The following TSHZ3 variants were observed in gnomAD, a reference collection of about 807,000 sequenced individuals.
TSHZ3 encodes teashirt zinc finger homeobox 3.
In TSHZ3, 10 loss-of-function variants were observed where a neutral mutation model predicts 64.5. The ratio of observed to expected loss-of-function variants is 0.16; its 90% CI spans 0.10 to 0.26. The LOEUF is 0.26. TSHZ3 is among the 10% of genes least tolerant of loss of function. The pLI is 1.00. For synonymous variants in TSHZ3, 608 were observed against 593.1 expected (o/e 1.03, Z -0.36); for missense variants, 1,242 against 1,421.7 (o/e 0.87, Z 2.03).
intron 1 of TSHZ3, among the ~76,000 whole-genome samples, chr19:31,307,502 C>T (rs955073555): frequency 4.6e-5 from 7 of 151,566 alleles, no homozygotes; most frequent in East Asian, 3.9e-4. Context: ...GCACGCGGCA[C>T]GGGGCTGGTG....
At chr19:31,269,283 C>T (rs148971891) in intron 1 of TSHZ3, among the ~76,000 whole-genome samples, 10 of 152,314 alleles carry the variant, frequency 6.6e-5, no homozygotes, top group Non-Finnish European at 1.5e-4. Context: ...AAATGATACT[C>T]ATTAGAGCAA....
downstream of TSHZ3, among the ~76,000 whole-genome samples, chr19:31,270,955 A>G (rs958354318): frequency 6.6e-6 from 1 of 152,226 alleles, no homozygotes; most frequent in African/African-American, 2.4e-5. Flanking sequence ...ATCTGCTATC[A>G]TTAGAATTTA....
rs1039033987 is a variant in TSHZ3, at chr19:31,349,336, C to G, written c.-117G>C. 300 of 1,010,130 alleles carry G rather than the reference C, an allele frequency of 3.0e-4. 3 individuals are homozygous for G. The East Asian group carries it at 5.8e-3, about 20-fold the overall frequency. 62.6% of individuals were successfully genotyped at this position (1,010,130 alleles called of 1,614,324 possible). ...AGGCGGGCCTGCTCTCAGCCTCCCCCCCGGAGAGCGGCCGCCCGCAGGATG... is the reference window on the plus strand; with the variant it reads ...AGGCGGGCCTGCTCTCAGCCTCCCCGCCGGAGAGCGGCCGCCCGCAGGATG... On this transcript the variant is annotated 5_prime_UTR_variant, in exon 1 of 2. Coordinates refer to ENST00000240587, the MANE Select transcript of TSHZ3 (RefSeq NM_020856.4).
At chr19:31,206,102 TG>T (rs1975166532) in intron 4 of TSHZ3, among the ~76,000 whole-genome samples, 3 of 151,202 alleles carry the variant, frequency 2.0e-5, no homozygotes, top group African/African-American at 7.3e-5. Flanking sequence ...GATGGATGGA[TG>T]GATGGATGGA....
chr19:31,179,749 A>G (rs200374662), intron 5 of TSHZ3, among the ~76,000 whole-genome samples: 1 of 124,062 alleles, frequency 8.1e-6, no homozygotes, highest in Non-Finnish European at 1.8e-5. Context: ...GGTGGTGGTG[A>G]TGGTGGTGGT....
chr19:31,222,923 T>C (rs1036758696), intron 4 of TSHZ3, among the ~76,000 whole-genome samples: 4 of 152,146 alleles, frequency 2.6e-5, no homozygotes, highest in Non-Finnish European at 5.9e-5. Context: ...ATAATACCCA[T>C]GTGGGGTCAG....
chr19:31,292,423 A>G (rs1441273526), intron 1 of TSHZ3, among the ~76,000 whole-genome samples: 1 of 152,226 alleles, frequency 6.6e-6, no homozygotes, highest in African/African-American at 2.4e-5. Context: ...GCAGGCTGTG[A>G]AAATTTGGGA....
At position 31,276,879 on chromosome 19, in the gene TSHZ3, CAGTGTCCA is replaced by C; in HGVS notation, c.2906_2913del (p.Leu969TrpfsTer8). The stretch of plus-strand genomic sequence containing the variant: ...TCGTTACAAAAGAAGACGGGGTGGC[CAGTGTCCA>C]AGTTTTTGAGGAACTTTGTTCCACC... On this transcript the variant is annotated frameshift_variant, in exon 2 of 2. Coordinates refer to ENST00000240587, the MANE Select transcript of TSHZ3 (RefSeq NM_020856.4). LOFTEE classifies it high-confidence loss of function. 6.2e-7 allele frequency: 1 copy of C among 1,614,206 alleles called. No homozygotes were observed. The highest frequency in any genetic ancestry group is 8.5e-7 in the Non-Finnish European group (1 of 1,180,040).
In TSHZ3 at chr19:31,277,900, C is replaced by T. The variant is rs202193828; in HGVS notation, c.1893G>A (p.Pro631=). The T allele has an allele frequency of 1.1e-5, 18 of 1,613,378 alleles. No individual in the cohort carries two copies. The highest frequency in any genetic ancestry group is 1.1e-4 in the African/African-American group (8 of 74,916). The change falls in exon 2 of 2, where the codon CCG becomes CCA. Residue 631 remains proline, a synonymous_variant. Coordinates refer to ENST00000240587, the MANE Select transcript of TSHZ3 (RefSeq NM_020856.4). This position sits in a 1 kb window ranked among gnomAD's most constrained non-coding sequence, Gnocchi z 4.5. ...GCTTGGGCGGGGAAAGCTTCCCATC[C>T]GGCTCCTTCATCTTCTCCTCCACTT... ...VAKVEEKMKE[P]DGKLSPPKRA...
intron 5 of TSHZ3, among the ~76,000 whole-genome samples, chr19:31,182,466 T>A (rs568129109): frequency 2.0e-5 from 3 of 152,216 alleles, no homozygotes; most frequent in East Asian, 3.9e-4. Flanking sequence ...CATTTCTAGG[T>A]CACACCAAAA....
intron 1 of TSHZ3, among the ~76,000 whole-genome samples, chr19:31,252,713 G>A (rs1599605636): frequency 4.6e-5 from 7 of 152,258 alleles, no homozygotes; most frequent in Admixed American, 2.0e-4. Context: ...CCAGCCATGC[G>A]GAACTGAGTC....
At chr19:31,179,014 C>CTGATGATGATGA (rs760717001) in intron 5 of TSHZ3, among the ~76,000 whole-genome samples, 3,675 of 112,154 alleles carry the variant, frequency 0.033, 146 homozygotes, top group African/African-American at 0.12. Flanking sequence ...GCAGAAGGCA[C>CTGATGATGATGA]TGATGATGAT....
intron 1 of TSHZ3, among the ~76,000 whole-genome samples, chr19:31,343,402 CT>C (rs61095647): frequency 0.12 from 17,556 of 151,954 alleles, 1,093 homozygotes; most frequent in Middle Eastern, 0.3. Context: ...TGTTGAAATG[CT>C]AAAATAATTT....
chr19:31,178,779 A>G (rs1974653358), intron 5 of TSHZ3, among the ~76,000 whole-genome samples: 1 of 152,230 alleles, frequency 6.6e-6, no homozygotes, highest in Non-Finnish European at 1.5e-5. Flanking sequence ...GAGACATGTC[A>G]TCAGAAGGCT....
downstream of TSHZ3, among the ~76,000 whole-genome samples, chr19:31,271,284 G>A (rs949667418): frequency 3.3e-5 from 5 of 152,120 alleles, no homozygotes; most frequent in Non-Finnish European, 7.3e-5. Context: ...CCTGGGGGTC[G>A]CCTCCTGTCA....
intron 4 of TSHZ3, among the ~76,000 whole-genome samples, chr19:31,227,200 G>A (rs944926383): frequency 2.6e-5 from 4 of 151,466 alleles, no homozygotes; most frequent in African/African-American, 4.9e-5. Flanking sequence ...GGCTGGTCTC[G>A]AACCCCTGAC....
chr19:31,246,098 A>G (rs1472121084), intron 1 of TSHZ3, among the ~76,000 whole-genome samples: 1 of 152,246 alleles, frequency 6.6e-6, no homozygotes, highest in African/African-American at 2.4e-5. Flanking sequence ...TCGACATGTC[A>G]CAACATCAAA....
At chr19:31,242,413 T>G (rs888374524) in exon 3 of TSHZ3, among the ~76,000 whole-genome samples, 3 of 152,178 alleles carry the variant, frequency 2.0e-5, no homozygotes, top group East Asian at 3.9e-4. Flanking sequence ...GCCAAAGGCC[T>G]GAAAACCTGG....
chr19:31,294,273 A>G (rs1055952262), intron 1 of TSHZ3, among the ~76,000 whole-genome samples: 2 of 152,060 alleles, frequency 1.3e-5, no homozygotes, highest in African/African-American at 4.8e-5. Flanking sequence ...TTCAGCCAAC[A>G]CTCAGCGAAT....
Sources: gnomAD v4.1 joint callset for allele counts (sites outside exome capture counted in the v4.1 genomes callset) on GRCh38, gnomAD v4.1.1 for gene constraint, Gnocchi (gnomAD v3.1) non-coding constraint, MANE v1.5 for transcripts, NCBI Gene and HGNC (gene_info 2026-07-23, HGNC 2026-07-21) for gene names.